The following WASF3 variants were observed in gnomAD, a reference collection of about 807,000 sequenced individuals.
WASF3 encodes the protein actin-binding protein WASF3.
In WASF3, 11 loss-of-function variants were observed where a neutral mutation model predicts 46.6. The observed-to-expected ratio is 0.24, with a 90% confidence interval of 0.15 to 0.39. WASF3 has a LOEUF of 0.39. Ranked by LOEUF, WASF3 falls within the 10% of genes least tolerant of loss-of-function variation. WASF3 has a pLI of 1.00. For missense variants in WASF3, 576 were observed against 669.8 expected, an observed-to-expected ratio of 0.86 and a Z score of 1.55; for synonymous variants, 242 against 259.7, an observed-to-expected ratio of 0.93 and a Z score of 0.65.
rs547825695 is a variant in WASF3, at chr13:26,682,546, G to A, written c.984-61G>A. The A allele has an allele frequency of 6.2e-6, 10 of 1,604,290 alleles. No homozygotes were observed. Among genetic ancestry groups the A allele is most frequent in the Non-Finnish European group, 8.5e-6 (10 of 1,175,968 alleles). ...GGATGGCTCCGTTAGGTGTCTAAGA[G>A]CTCCCAGGACGTGACCCTCTCTTGT... On this transcript the variant is annotated intron_variant, in intron 8 of 9. Coordinates refer to ENST00000335327, the MANE Select transcript of WASF3 (RefSeq NM_006646.6). The surrounding 1 kb of genome is among the most constrained non-coding windows in gnomAD (Gnocchi z 4.4).
At chr13:26,656,586 G>C (rs1882472927) in intron 3 of WASF3, among the ~76,000 whole-genome samples, 1 of 150,978 alleles carries the variant, frequency 6.6e-6, no homozygotes, top group Non-Finnish European at 1.5e-5. Context: ...ATGACTTCCT[G>C]GTAATAAACC....
chr13:26,604,023 C>T (rs1330740469), intron 1 of WASF3, among the ~76,000 whole-genome samples: 3 of 152,104 alleles, frequency 2.0e-5, no homozygotes, highest in African/African-American at 7.2e-5. Context: ...TGGTGTGGTC[C>T]TGCAGCCATA....
chr13:26,667,718 C>T, intron 5 of WASF3, 48 bp downstream of exon 5: 1 of 1,557,382 alleles, frequency 6.4e-7, no homozygotes, highest in Non-Finnish European at 8.7e-7. Flanking sequence ...GAGGGGAGAG[C>T]TGGGCAGAGC....
intron 2 of WASF3, among the ~76,000 whole-genome samples, chr13:26,631,888 G>A (rs529835143): frequency 6.0e-4 from 92 of 152,184 alleles, no homozygotes; most frequent in African/African-American, 2.0e-3. Context: ...CGTCCTTCAC[G>A]TCCCTTGTAA....
At chr13:26,665,203 G>C in intron 4 of WASF3, 41 bp downstream of exon 4, 2 of 1,603,916 alleles carry the variant, frequency 1.2e-6, no homozygotes, top group South Asian at 2.2e-5. Context: ...AAGTGATGTT[G>C]ACAAGATGGT....
At position 26,630,618 on chromosome 13, in the gene WASF3, A is replaced by G. The variant is rs148919995; in HGVS notation, c.-10-11643A>G. On this transcript the variant is annotated intron_variant, in intron 2 of 9. Transcript: ENST00000335327. ...TATTGTGAATAGTGCCGCAGTAAAC[A>G]TACGTGTACATGTGTCTTTATAGTA... is the stretch of plus-strand genomic sequence containing the variant. Among the ~76,000 whole-genome samples the G allele has an allele frequency of 6.9e-3, 1,058 of 152,338 alleles. 9 individuals carry two copies. The highest frequency in any genetic ancestry group is 0.024 in the African/African-American group (980 of 41,574).
intron 2 of WASF3, among the ~76,000 whole-genome samples, chr13:26,617,872 G>T (rs988513263): frequency 1.3e-5 from 2 of 152,074 alleles, no homozygotes; most frequent in Non-Finnish European, 1.5e-5. Context: ...GAATTCTCAT[G>T]AGATCTGATG....
chr13:26,604,123 C>T (rs759570132), intron 1 of WASF3, among the ~76,000 whole-genome samples: 1 of 152,098 alleles, frequency 6.6e-6, no homozygotes, highest in Non-Finnish European at 1.5e-5. Flanking sequence ...GTGTGTCTTC[C>T]ACCTGTATTT....
At chr13:26,603,114 C>G (rs1030018540) in intron 1 of WASF3, among the ~76,000 whole-genome samples, 3 of 152,142 alleles carry the variant, frequency 2.0e-5, no homozygotes, top group Non-Finnish European at 4.4e-5. Flanking sequence ...TGTCTTTCTC[C>G]TGAAATAGCT....
At chr13:26,601,087 A>G (rs564678942) in intron 1 of WASF3, among the ~76,000 whole-genome samples, 1 of 152,262 alleles carries the variant, frequency 6.6e-6, no homozygotes, top group East Asian at 1.9e-4. Context: ...TTGCTTTCAG[A>G]TGTATTTTAA....
At chr13:26,553,209 C>A (rs1879006919), upstream of WASF3, among the ~76,000 whole-genome samples, 1 of 152,182 alleles carries the variant, frequency 6.6e-6, no homozygotes, top group Non-Finnish European at 1.5e-5. Flanking sequence ...ACTTGCATCA[C>A]CAGTATTCTC....
At chr13:26,596,952 TAC>T (rs1880486319) in intron 1 of WASF3, among the ~76,000 whole-genome samples, 4 of 152,212 alleles carry the variant, frequency 2.6e-5, no homozygotes, top group Non-Finnish European at 5.9e-5. Context: ...TTTGTTATTT[TAC>T]TCTGATGAAA....
intron 1 of WASF3, among the ~76,000 whole-genome samples, chr13:26,586,102 A>C (rs1386557631): frequency 6.6e-6 from 1 of 152,138 alleles, no homozygotes; most frequent in Non-Finnish European, 1.5e-5. Context: ...TTTGATATAT[A>C]ATCTTGATTT....
chr13:26,580,873 G>T (rs569547), intron 1 of WASF3, among the ~76,000 whole-genome samples: 1 of 150,482 alleles, frequency 6.6e-6, no homozygotes. Context: ...GATCTGCCCA[G>T]CTCGGCCTCC....
At chr13:26,663,122 C>T (rs552278804) in intron 3 of WASF3, among the ~76,000 whole-genome samples, 4 of 152,092 alleles carry the variant, frequency 2.6e-5, no homozygotes, top group Admixed American at 6.5e-5. Context: ...TTGAGTTAGC[C>T]GTAGAGAGAG....
intron 6 of WASF3, among the ~76,000 whole-genome samples, chr13:26,672,831 G>A (rs1203061737): frequency 3.3e-5 from 5 of 152,120 alleles, no homozygotes; most frequent in Non-Finnish European, 7.4e-5. Flanking sequence ...TGGTCTGGAG[G>A]AGAATTTGAA....
upstream of WASF3, among the ~76,000 whole-genome samples, chr13:26,555,316 G>A (rs1879074488): frequency 1.3e-5 from 2 of 151,978 alleles, no homozygotes; most frequent in Non-Finnish European, 2.9e-5. Flanking sequence ...TAGAGTGAGG[G>A]CTCAATCATG....
At chr13:26,607,445 A>G (rs947718966) in intron 1 of WASF3, among the ~76,000 whole-genome samples, 2 of 152,214 alleles carry the variant, frequency 1.3e-5, no homozygotes, top group Non-Finnish European at 2.9e-5. Context: ...GGCTGAAGAA[A>G]GCAGAAATAA....
intron 5 of WASF3, among the ~76,000 whole-genome samples, chr13:26,670,154 C>T (rs1882888333): frequency 6.7e-6 from 1 of 149,506 alleles, no homozygotes; most frequent in African/African-American, 2.6e-5. Flanking sequence ...GGCACATATA[C>T]CCCATGGAAT....
Sources: allele counts gnomAD v4.1 joint callset (sites outside exome capture counted in the v4.1 genomes callset), GRCh38; gene constraint gnomAD v4.1.1; non-coding constraint Gnocchi (gnomAD v3.1); transcripts MANE v1.5; gene names NCBI Gene and HGNC (gene_info 2026-07-23, HGNC 2026-07-21).